Variants in CAPZA2 observed in about 807,000 individuals in gnomAD.
CAPZA2 encodes capping actin protein of muscle Z-line subunit alpha 2, also known as F-actin-capping protein subunit alpha-2.
In CAPZA2, 13 loss-of-function variants were observed where a neutral mutation model predicts 44.0. That is an observed-to-expected ratio of 0.30 (90% CI 0.19 to 0.47). The LOEUF (loss-of-function observed/expected upper bound fraction) is 0.47. Among genes scored for constraint, CAPZA2 ranks in the 20% least tolerant of loss-of-function variants. CAPZA2 has a pLI of 1.00. For synonymous variants in CAPZA2, 94 were observed against 108.2 expected, an observed-to-expected ratio of 0.87 and a Z score of 0.81; for missense variants, 244 against 338.6, an observed-to-expected ratio of 0.72 and a Z score of 2.19.
intron 1 of CAPZA2, among the ~76,000 whole-genome samples, chr7:116,863,692 G>C (rs1328190334): frequency 6.6e-6 from 1 of 152,162 alleles, no homozygotes; most frequent in Admixed American, 6.5e-5. Flanking sequence ...ATAGGAATGA[G>C]TTAGTTGCAG....
chr7:116,897,121 C>T (rs929230674), intron 3 of CAPZA2, among the ~76,000 whole-genome samples: 8 of 152,098 alleles, frequency 5.3e-5, no homozygotes, highest in Non-Finnish European at 7.4e-5. Flanking sequence ...TTTTATATTA[C>T]GGGCAATAAA....
chr7:116,917,523 C>T (rs1483469963), intron 9 of CAPZA2, among the ~76,000 whole-genome samples: 2 of 152,214 alleles, frequency 1.3e-5, no homozygotes, highest in African/African-American at 2.4e-5. Flanking sequence ...TCCCAAAGTG[C>T]TGGGATTACA....
At chr7:116,875,446 C>T (rs1366500818) in intron 1 of CAPZA2, 1 of 152,116 alleles carries the variant, frequency 6.6e-6, no homozygotes, top group African/African-American at 2.4e-5. Context: ...GCTTCTAATT[C>T]ATTTTCTTTC....
chr7:116,892,596 T>G (rs1008696047), intron 2 of CAPZA2, among the ~76,000 whole-genome samples: 3 of 152,048 alleles, frequency 2.0e-5, no homozygotes, highest in African/African-American at 7.2e-5. Context: ...AGAAGAAGAA[T>G]TGTCTTGGGC....
chr7:116,909,615 C>G (rs916643283), intron 6 of CAPZA2: 1 of 151,560 alleles, frequency 6.6e-6, no homozygotes, highest in African/African-American at 2.4e-5. Flanking sequence ...TAAGTATAGT[C>G]CTTTATTTCC....
chr7:116,879,141 A>AG (rs1225620422), intron 1 of CAPZA2, among the ~76,000 whole-genome samples: 3 of 151,082 alleles, frequency 2.0e-5, no homozygotes, highest in African/African-American at 7.3e-5. Flanking sequence ...AAAAAAAAAA[A>AG]AAAAAAAAGA....
chr7:116,867,958 TGTA>T (rs772744464), intron 1 of CAPZA2, among the ~76,000 whole-genome samples: 9 of 152,372 alleles, frequency 5.9e-5, no homozygotes, highest in Non-Finnish European at 1.2e-4. Flanking sequence ...GTTAGAATGT[TGTA>T]GTAAGTACCT....
At chr7:116,910,838 T>C (rs2115974408) in intron 7 of CAPZA2, among the ~76,000 whole-genome samples, 1 of 151,956 alleles carries the variant, frequency 6.6e-6, no homozygotes, top group Middle Eastern at 3.4e-3. Context: ...ACCCCATCTC[T>C]ACTAAAAATA....
chr7:116,906,460 G>A, intron 6 of CAPZA2, 118 bp downstream of exon 6: 5 of 1,427,414 alleles, frequency 3.5e-6, no homozygotes, highest in Non-Finnish European at 4.6e-6. Flanking sequence ...TTTAGAGATG[G>A]TATAAAATTT....
chr7:116,862,938 G>T (rs1302277122), intron 1 of CAPZA2, among the ~76,000 whole-genome samples: 3 of 152,074 alleles, frequency 2.0e-5, no homozygotes, highest in Non-Finnish European at 4.4e-5. Context: ...CGCGGGCGCG[G>T]GGGAGGGCGG....
rs34563707 is a variant in CAPZA2, at chr7:116,876,249, C to CAA, written c.40-11861_40-11860dup. 631 of 89,046 alleles carry CAA rather than the reference C, an allele frequency of 7.1e-3. 2 individuals carry two copies. Among genetic ancestry groups the CAA allele is most frequent in the Middle Eastern group, 0.028 (4 of 142 alleles). 5.5% of individuals were successfully genotyped at this position (89,046 alleles called of 1,614,324 possible). A position where few individuals can be genotyped will look rare whatever the true frequency, so the allele number is the denominator to read the frequency against. On this transcript the variant is annotated intron_variant, in intron 1 of 9. Transcript: ENST00000361183. ...TGGGTGACAGAGAGAGACTCCATCT[C>CAA]AAAAAAAAAAAAAAAAAAGTTTAGA...
At chr7:116,868,742 T>A (rs1446049018) in intron 1 of CAPZA2, among the ~76,000 whole-genome samples, 1 of 151,802 alleles carries the variant, frequency 6.6e-6, no homozygotes, top group South Asian at 2.1e-4. Context: ...TCAAAAAGTT[T>A]AAAAAAAAAT....
chr7:116,919,901 G>T lies in CAPZA2; in HGVS notation c.*2034G>T, dbSNP rs1791742802. 6.7e-6 allele frequency: 1 copy of T among 149,048 alleles called. No homozygotes were observed. The highest frequency in any genetic ancestry group is 6.8e-5 in the Admixed American group (1 of 14,674). The allele number at this position is 149,048 out of a possible 1,614,324, so 9.2% of individuals were successfully genotyped here. A position where few individuals can be genotyped will look rare whatever the true frequency, so the allele number is the denominator to read the frequency against. ...ATAATAATAATAATAATATAATTTA[G>T]AACAGTCTGAAATAATGATGGCACA... On this transcript the variant is annotated 3_prime_UTR_variant, in exon 10 of 10. Coordinates refer to ENST00000361183, the MANE Select transcript of CAPZA2 (RefSeq NM_006136.3).
At chr7:116,891,324 A>G (rs1214737271) in intron 2 of CAPZA2, among the ~76,000 whole-genome samples, 3 of 152,222 alleles carry the variant, frequency 2.0e-5, no homozygotes, top group Non-Finnish European at 4.4e-5. Flanking sequence ...GCTGTTCATT[A>G]TGTTTAAACT....
intron 1 of CAPZA2, among the ~76,000 whole-genome samples, chr7:116,887,571 C>T (rs1796778718): frequency 6.6e-6 from 1 of 152,224 alleles, no homozygotes; most frequent in Non-Finnish European, 1.5e-5. Context: ...GTGGCTCACA[C>T]CTGTAATCCC....
chr7:116,907,207 A>G (rs906285552), intron 6 of CAPZA2, among the ~76,000 whole-genome samples: 1 of 152,240 alleles, frequency 6.6e-6, no homozygotes, highest in Non-Finnish European at 1.5e-5. Flanking sequence ...CATCTCAGAA[A>G]TAAATGCAGG....
Position 116,880,084 on chromosome 7 carries a change from C to G in CAPZA2, c.40-8043C>G, listed in dbSNP as rs940987557. On this transcript the variant is annotated intron_variant, in intron 1 of 9. Coordinates refer to ENST00000361183, the MANE Select transcript of CAPZA2 (RefSeq NM_006136.3). ...CTTCCCAGACTAAGTCAGTGCTACA[C>G]TTTGAGGATTTTGAAAGCAGAGGGC... 1.3e-5 allele frequency: 6 copies of G among 469,824 alleles called. No individual in the cohort carries two copies. The East Asian group carries it at 2.8e-4, about 22-fold the overall frequency. 29.1% of individuals were successfully genotyped at this position (469,824 alleles called of 1,614,324 possible).
chr7:116,865,203 T>G (rs1277904057), intron 1 of CAPZA2, among the ~76,000 whole-genome samples: 6 of 145,216 alleles, frequency 4.1e-5, no homozygotes, highest in Non-Finnish European at 6.0e-5. Flanking sequence ...TTTTTTTTTT[T>G]GATACAGAGT....
At chr7:116,911,847 A>G (rs1791601753) in intron 7 of CAPZA2, among the ~76,000 whole-genome samples, 1 of 152,212 alleles carries the variant, frequency 6.6e-6, no homozygotes, top group Non-Finnish European at 1.5e-5. Flanking sequence ...AGTCAGGTCA[A>G]TAGAAGGCTT....
Sources: allele counts gnomAD v4.1 joint callset (sites outside exome capture counted in the v4.1 genomes callset), GRCh38; gene constraint gnomAD v4.1.1; transcripts MANE v1.5; gene names NCBI Gene and HGNC (gene_info 2026-07-23, HGNC 2026-07-21).